PYCR1: variants seen among roughly 807,000 people sequenced by gnomAD.
PYCR1 encodes the protein pyrroline-5-carboxylate reductase 1.
Under a neutral mutation model 22.9 loss-of-function variants are expected in PYCR1, and 19 were observed. The ratio of observed to expected loss-of-function variants is 0.83; its 90% CI spans 0.58 to 1.22. PYCR1 has a LOEUF of 1.22. Ranked by LOEUF, PYCR1 falls within the 50% of genes most tolerant of loss-of-function variation. The pLI is 0.00. For synonymous variants in PYCR1, 175 were observed against 180.5 expected (o/e 0.97, Z 0.24); for missense variants, 429 against 431.3 (o/e 0.99, Z 0.05).
In PYCR1 at chr17:81,932,782, G is replaced by A. The variant is rs2041022316; in HGVS notation, c.*432C>T. ...TCTGGCCCTTCTCACACGGGAAGGA[G>A]AGGTTTCTCCCTGAATGGAGGGCAG... On this transcript the variant is annotated 3_prime_UTR_variant, in exon 7 of 7. Coordinates refer to ENST00000329875, the MANE Select transcript of PYCR1 (RefSeq NM_006907.4). 13 of 1,478,686 alleles carry A rather than the reference G, an allele frequency of 8.8e-6. No individual in the cohort carries two copies. Among genetic ancestry groups the A allele is most frequent in the Non-Finnish European group, 1.2e-5 (13 of 1,093,210 alleles). 91.6% of individuals were successfully genotyped at this position (1,478,686 alleles called of 1,614,324 possible).
In PYCR1 at chr17:81,936,137, CTG is replaced by C. The variant is rs1159012568; in HGVS notation, c.122_123del (p.Thr41SerfsTer23). 2.5e-6 allele frequency: 4 copies of C among 1,613,954 alleles called. No homozygotes were observed. Among genetic ancestry groups the C allele is most frequent in the Admixed American group, 1.7e-5 (1 of 60,024 alleles). The part of the protein sequence containing the change: ...MASSPDMDLA[T>X]VSALRKMGVK... ...TCTGCACCTACCCTGAGAGCAGAAA[CTG>C]TGGCCAGGTCCATGTCTGGGGAGCT... On this transcript the variant is annotated frameshift_variant, in exon 2 of 7. Coordinates refer to ENST00000329875, the MANE Select transcript of PYCR1 (RefSeq NM_006907.4). LOFTEE classifies it high-confidence loss of function.
chr17:81,932,802 G>C lies in PYCR1; in HGVS notation c.*412C>G. Reference sequence around the variant, plus strand: ...AAGGAGAGGTTTCTCCCTGAATGGAGGGCAGGGAGGGGCCGGGAGGGGGCG... The same window carrying C: ...AAGGAGAGGTTTCTCCCTGAATGGACGGCAGGGAGGGGCCGGGAGGGGGCG... On this transcript the variant is annotated 3_prime_UTR_variant, in exon 7 of 7. Coordinates refer to ENST00000329875, the MANE Select transcript of PYCR1 (RefSeq NM_006907.4). 6.6e-7 allele frequency: 1 copy of C among 1,520,284 alleles called. No individual in the cohort carries two copies. Among genetic ancestry groups the C allele is most frequent in the Non-Finnish European group, 8.9e-7 (1 of 1,124,922 alleles). 94.2% of individuals were successfully genotyped at this position (1,520,284 alleles called of 1,614,324 possible).
Position 81,937,241 on chromosome 17 carries a change from C to G in PYCR1, c.-427G>C. ...CCGGAGCCCGACCCCAACCCAGCTA[C>G]CGTGCGCGGGTCGTACCCACCCCTC... On this transcript the variant is annotated 5_prime_UTR_variant, in exon 1 of 7. Transcript: ENST00000329875. 7.0e-7 allele frequency: 1 copy of G among 1,420,790 alleles called. No individual in the cohort carries two copies. Among genetic ancestry groups the G allele is most frequent in the African/African-American group, 1.5e-5 (1 of 67,980 alleles). The allele number at this position is 1,420,790 out of a possible 1,614,324, so 88.0% of individuals were successfully genotyped here.
Position 81,932,691 on chromosome 17 carries a change from G to A in PYCR1, c.*523C>T. On this transcript the variant is annotated 3_prime_UTR_variant, in exon 7 of 7. Coordinates refer to ENST00000329875, the MANE Select transcript of PYCR1 (RefSeq NM_006907.4). ...GAGCCCTTTCCCCAAATGTCCATGG[G>A]ATCTGCGTGCTTGGCAGCCAAGAGG... 1.2e-6 allele frequency: 1 copy of A among 815,452 alleles called. No homozygotes were observed. The highest frequency in any genetic ancestry group is 1.9e-6 in the Non-Finnish European group (1 of 520,432). The allele number at this position is 815,452 out of a possible 1,614,324, so 50.5% of individuals were successfully genotyped here. A position where few individuals can be genotyped will look rare whatever the true frequency, so the allele number is the denominator to read the frequency against.
Position 81,937,132 on chromosome 17 carries a change from C to T in PYCR1, c.-318G>A. On this transcript the variant is annotated 5_prime_UTR_variant, in exon 1 of 7. Transcript: ENST00000329875. ...GTACGGGGAGAGGGAGGGCCCGGCGCCTAGGGGTCCCCCGTCTGGGTTCCC... is the reference window on the plus strand; with the variant it reads ...GTACGGGGAGAGGGAGGGCCCGGCGTCTAGGGGTCCCCCGTCTGGGTTCCC... 1 of 1,431,322 alleles carries T rather than the reference C, an allele frequency of 7.0e-7. No homozygotes were observed. The highest frequency in any genetic ancestry group is 9.1e-7 in the Non-Finnish European group (1 of 1,096,860). The allele number at this position is 1,431,322 out of a possible 1,614,324, so 88.7% of individuals were successfully genotyped here. A position where few individuals can be genotyped will look rare whatever the true frequency, so the allele number is the denominator to read the frequency against.
At chr17:81,935,587 C>T in intron 2 of PYCR1, 71 bp from the exon 3 acceptor site, 1 of 1,363,896 alleles carries the variant, frequency 7.3e-7, no homozygotes, top group Admixed American at 2.0e-5. Flanking sequence ...AAGAGCCCCA[C>T]AGGTAGAATG....
In PYCR1 at chr17:81,932,912, G is replaced by A; in HGVS notation, c.*302C>T. The A allele has an allele frequency of 6.2e-7, 1 of 1,611,918 alleles. No individual in the cohort carries two copies. The highest frequency in any genetic ancestry group is 8.5e-7 in the Non-Finnish European group (1 of 1,179,468). On this transcript the variant is annotated 3_prime_UTR_variant, in exon 7 of 7. Coordinates refer to ENST00000329875, the MANE Select transcript of PYCR1 (RefSeq NM_006907.4). ...GGAGCCCGTGCCAGCTGATACTGGAGTAGGAGTGGGTGAAGACCCTCCGGG... is the reference window on the plus strand; with the variant it reads ...GGAGCCCGTGCCAGCTGATACTGGAATAGGAGTGGGTGAAGACCCTCCGGG...
In PYCR1 at chr17:81,936,763, C is replaced by T. The variant is rs765824328; in HGVS notation, c.52G>A (p.Gly18Ser). The T allele has an allele frequency of 1.2e-6, 2 of 1,609,522 alleles. No individual in the cohort carries two copies. Among genetic ancestry groups the T allele is most frequent in the South Asian group, 1.1e-5 (1 of 90,252 alleles). ...AGQLAFALAK[G>S]FTAAGVLAAH... ...GGGGGCCTACCTGCTGCTGTGAAGC[C>T]CTTGGCCAGGGCAAAAGCCAGCTGG... Residue 18 changes from glycine to serine, a missense_variant, in exon 1 of 7, where the codon GGC (glycine) becomes AGC (serine). Transcript: ENST00000329875.
At position 81,937,141 on chromosome 17, in the gene PYCR1, C is replaced by A; in HGVS notation, c.-327G>T. ...GAGGGAGGGCCCGGCGCCTAGGGGT[C>A]CCCCGTCTGGGTTCCCACCCCGCCC... On this transcript the variant is annotated 5_prime_UTR_variant, in exon 1 of 7. Transcript: ENST00000329875. 7.0e-7 allele frequency: 1 copy of A among 1,431,708 alleles called. No homozygotes were observed. Among genetic ancestry groups the A allele is most frequent in the Non-Finnish European group, 9.1e-7 (1 of 1,097,346 alleles). The allele number at this position is 1,431,708 out of a possible 1,614,324, so 88.7% of individuals were successfully genotyped here. A position where few individuals can be genotyped will look rare whatever the true frequency, so the allele number is the denominator to read the frequency against.
chr17:81,935,242 G>A, intron 3 of PYCR1, 95 bp from the exon 4 acceptor site: 1 of 1,574,886 alleles, frequency 6.3e-7, no homozygotes, highest in Non-Finnish European at 8.6e-7. Context: ...CAGTGGGCCG[G>A]GACGCTGCAA....
In PYCR1 at chr17:81,936,876, C is replaced by T. The variant is rs573221309; in HGVS notation, c.-62G>A. 1.3e-3 allele frequency: 2,034 copies of T among 1,565,906 alleles called. 47 individuals carry two copies. In the South Asian group the frequency reaches 0.023, roughly 17 times the overall value. ...TGGCACCGGCTCTGCGGGACGAGAC[C>T]GGCAGGATCGAGAGCAAGTTAGGGG... is the stretch of plus-strand genomic sequence containing the variant. On this transcript the variant is annotated 5_prime_UTR_variant, in exon 1 of 7. Coordinates refer to ENST00000329875, the MANE Select transcript of PYCR1 (RefSeq NM_006907.4).
rs1240371030 is a variant in PYCR1 at position 81,937,291 on chromosome 17, C to T, written c.-477G>A. On this transcript the variant is annotated 5_prime_UTR_variant, in exon 1 of 7. Coordinates refer to ENST00000329875, the MANE Select transcript of PYCR1 (RefSeq NM_006907.4). Reference sequence around the variant, plus strand: ...CAGCGCTGCGGCCGCCACGCGGCACCCGCACCCAGGCCCCGCCCCCGTCGC... The same window carrying T: ...CAGCGCTGCGGCCGCCACGCGGCACTCGCACCCAGGCCCCGCCCCCGTCGC... 1.8e-6 allele frequency: 2 copies of T among 1,114,628 alleles called. No individual in the cohort carries two copies. The highest frequency in any genetic ancestry group is 2.3e-6 in the Non-Finnish European group (2 of 878,002). The allele number at this position is 1,114,628 out of a possible 1,614,324, so 69.0% of individuals were successfully genotyped here. A position where few individuals can be genotyped will look rare whatever the true frequency, so the allele number is the denominator to read the frequency against.
At position 81,935,080 on chromosome 17, in the gene PYCR1, CG is replaced by C. The variant is rs1567924815; in HGVS notation, c.385del (p.Arg129GlyfsTer25). The C allele has an allele frequency of 6.2e-7, 1 of 1,610,582 alleles. No homozygotes were observed. Among genetic ancestry groups the C allele is most frequent in the South Asian group, 1.1e-5 (1 of 91,040 alleles). ...RCMTNTPVVVREGATVYATGT... is the reference protein window; with the variant it reads ...RCMTNTPVVVXEGATVYATGT... ...TGTGGCATACACGGTGGCCCCCTCC[CG>C]CACCACGACTGGAGTGTTGGTCATG... On this transcript the variant is annotated frameshift_variant, in exon 4 of 7. Transcript: ENST00000329875. LOFTEE classifies it high-confidence loss of function.
intron 5 of PYCR1, 69 bp downstream of exon 5, chr17:81,934,584 G>C (rs1432080477): frequency 1.3e-5 from 20 of 1,550,070 alleles, no homozygotes; most frequent in Non-Finnish European, 1.7e-5. Context: ...GCCCCACTTG[G>C]CTCCTCCCAG....
chr17:81,933,899 T>C (rs1183856330), intron 6 of PYCR1, among the ~76,000 whole-genome samples: 1 of 152,244 alleles, frequency 6.6e-6, no homozygotes, highest in East Asian at 1.9e-4. Context: ...TCACCTTCCA[T>C]GGAATTTTCC....
chr17:81,937,222 C>T lies in PYCR1; in HGVS notation c.-408G>A. 1.4e-6 allele frequency: 2 copies of T among 1,472,538 alleles called. No individual in the cohort carries two copies. Among genetic ancestry groups the T allele is most frequent in the Non-Finnish European group, 1.8e-6 (2 of 1,115,904 alleles). The allele number at this position is 1,472,538 out of a possible 1,614,324, so 91.2% of individuals were successfully genotyped here. On this transcript the variant is annotated 5_prime_UTR_variant, in exon 1 of 7. Coordinates refer to ENST00000329875, the MANE Select transcript of PYCR1 (RefSeq NM_006907.4). ...CGACCGCCGCCCACCATTCCCGGAGCCCGACCCCAACCCAGCTACCGTGCG... is the reference window on the plus strand; with the variant it reads ...CGACCGCCGCCCACCATTCCCGGAGTCCGACCCCAACCCAGCTACCGTGCG...
chr17:81,935,699 G>A (rs2041168513), intron 2 of PYCR1, among the ~76,000 whole-genome samples, 183 bp from the exon 3 acceptor site: 1 of 152,176 alleles, frequency 6.6e-6, no homozygotes, highest in Non-Finnish European at 1.5e-5. Context: ...GAAGAACTCT[G>A]TGTGGAATAT....
Position 81,936,866 on chromosome 17 carries a change from G to A in PYCR1, c.-52C>T, listed in dbSNP as rs764755605. 20 of 1,578,088 alleles carry A rather than the reference G, an allele frequency of 1.3e-5. No individual in the cohort carries two copies. Among genetic ancestry groups the A allele is most frequent in the East Asian group, 6.9e-5 (3 of 43,484 alleles). ...CCCCCACAGATGGCACCGGCTCTGC[G>A]GGACGAGACCGGCAGGATCGAGAGC... On this transcript the variant is annotated 5_prime_UTR_variant, in exon 1 of 7. Transcript: ENST00000329875.
chr17:81,934,397 C>G lies in PYCR1; in HGVS notation c.726G>C (p.Leu242Phe), dbSNP rs746456097. 1 of 1,612,590 alleles carries G rather than the reference C, an allele frequency of 6.2e-7. No individual in the cohort carries two copies. Among genetic ancestry groups the G allele is most frequent in the Admixed American group, 1.7e-5 (1 of 59,912 alleles). Residue 242 changes from leucine to phenylalanine, a missense_variant, in exon 6 of 7, where the codon TTG becomes TTC. By Grantham distance (22) the Leu-to-Phe change is conservative. Coordinates refer to ENST00000329875, the MANE Select transcript of PYCR1 (RefSeq NM_006907.4). The stretch of plus-strand genomic sequence containing the variant: ...GGAAGCCCCCACTCTCCAGCACATG[C>G]AAGGCATGGATGGTGGCCCCACCAG... Reference protein sequence around the residue: ...SSPGGATIHALHVLESGGFRS... With the variant: ...SSPGGATIHAFHVLESGGFRS...
Sources: gnomAD v4.1 joint callset for allele counts (sites outside exome capture counted in the v4.1 genomes callset) on GRCh38, gnomAD v4.1.1 for gene constraint, MANE v1.5 for transcripts, NCBI Gene and HGNC (gene_info 2026-07-23, HGNC 2026-07-21) for gene names.